The following STAB1 variants were observed in gnomAD, a reference collection of about 807,000 sequenced individuals.
STAB1 encodes the protein stabilin 1, also known as stabilin-1.
In STAB1, 250 loss-of-function variants were observed where a neutral mutation model predicts 332.4. The ratio of observed to expected loss-of-function variants is 0.75; its 90% CI spans 0.68 to 0.84. The LOEUF (loss-of-function observed/expected upper bound fraction) is 0.84, where lower values mean the gene tolerates loss of function less well. Among genes scored for constraint, STAB1 ranks in the 40% least tolerant of loss-of-function variants. The pLI, the probability that STAB1 is intolerant of heterozygous loss-of-function variation, is 0.00. For synonymous variants in STAB1, 1,475 were observed against 1,390.4 expected, an observed-to-expected ratio of 1.06 and a Z score of -1.35; for missense variants, 3,249 against 3,489.7, an observed-to-expected ratio of 0.93 and a Z score of 1.74.
chr3:52,503,747 C>G, intron 8 of STAB1, 25 bp from the exon 9 acceptor site: 1 of 1,612,262 alleles, frequency 6.2e-7, no homozygotes, highest in Non-Finnish European at 8.5e-7. Flanking sequence ...ACGTGGTGTT[C>G]CCCTCCTGCC....
intron 3 of STAB1, 64 bp downstream of exon 3, chr3:52,501,817 C>A: frequency 6.8e-7 from 1 of 1,470,950 alleles, no homozygotes; most frequent in East Asian, 2.5e-5. Flanking sequence ...GGCAAGCCCT[C>A]TGCAGGAGCC....
chr3:52,502,282 C>G (rs1708511157), intron 5 of STAB1, 54 bp downstream of exon 5: 3 of 1,576,916 alleles, frequency 1.9e-6, no homozygotes, highest in East Asian at 2.3e-5. Context: ...GGGGCCCACG[C>G]AGATGCAGTA....
intron 2 of STAB1, 46 bp from the exon 3 acceptor site, chr3:52,501,592 G>T: frequency 6.6e-7 from 1 of 1,513,198 alleles, no homozygotes; most frequent in South Asian, 1.2e-5. Context: ...GGTGGGGGCT[G>T]TGCAAGGGAG....
Position 52,523,949 on chromosome 3 carries a change from TTGG to T in STAB1, c.7478_7480del (p.Val2493del). 6.2e-7 allele frequency: 1 copy of T among 1,611,112 alleles called. No homozygotes were observed. Among genetic ancestry groups the T allele is most frequent in the Non-Finnish European group, 8.5e-7 (1 of 1,179,932 alleles). ...GCTTGCCGCTGGAGCACTGCTTGGC[TTGG>T]TGGCCGGAGCTCTCTACCTCCGTGC... On this transcript the variant is annotated inframe_deletion, in exon 67 of 69. Coordinates refer to ENST00000321725, the MANE Select transcript of STAB1 (RefSeq NM_015136.3).
chr3:52,506,763 C>T lies in STAB1; in HGVS notation c.1902C>T (p.Ile634=). The T allele has an allele frequency of 1.9e-6, 3 of 1,612,784 alleles. No homozygotes were observed. The highest frequency in any genetic ancestry group is 2.5e-6 in the Non-Finnish European group (3 of 1,179,612). The change falls in exon 18 of 69, where the codon ATC becomes ATT. Residue 634 remains isoleucine (I), a synonymous_variant. Coordinates refer to ENST00000321725, the MANE Select transcript of STAB1 (RefSeq NM_015136.3). ...RVDVMAANGV[I]HMLDGILLPP... The stretch of plus-strand genomic sequence containing the variant: ...ACGTGATGGCCGCCAATGGTGTGAT[C>T]CACATGCTGGACGGCATCCTGCTGC...
rs1708752012 is a variant in STAB1, at chr3:52,505,121, C to G, written c.1496C>G (p.Ser499Cys). ...ACTGGCCTGCGGTGGCAGGCCCCCT[C>G]TGGGACCCCTGGGGATCCCAAGGTG... Reference protein sequence around the residue: ...VVTGLRWQAPSGTPGDPKRTI... With the variant: ...VVTGLRWQAPCGTPGDPKRTI... Residue 499 changes from serine to cysteine, a missense_variant, in exon 13 of 69, where the codon TCT becomes TGT. Physicochemically the swap from Ser to Cys is moderately radical, Grantham distance 112. Coordinates refer to ENST00000321725, the MANE Select transcript of STAB1 (RefSeq NM_015136.3). 5 of 1,613,194 alleles carry G rather than the reference C, an allele frequency of 3.1e-6. No homozygotes were observed. Among genetic ancestry groups the G allele is most frequent in the Non-Finnish European group, 4.2e-6 (5 of 1,179,894 alleles).
Position 52,523,263 on chromosome 3 carries a change from C to T in STAB1, c.7062C>T (p.Asp2354=), listed in dbSNP as rs747061588. 1.2e-6 allele frequency: 2 copies of T among 1,612,978 alleles called. No homozygotes were observed. Among genetic ancestry groups the T allele is most frequent in the Non-Finnish European group, 1.7e-6 (2 of 1,179,804 alleles). ...GYANATQRGL[D]FLDFLDDELT... is the part of the protein sequence containing the mutation. Reference sequence around the variant, plus strand: ...CCAATGCCACCCAGCGGGGTCTCGACTTCCTGGACTTCCTGGATGATGAGC... The same window carrying T: ...CCAATGCCACCCAGCGGGGTCTCGATTTCCTGGACTTCCTGGATGATGAGC... The change falls in exon 64 of 69, where the codon GAC becomes GAT. Residue 2354 remains aspartate, a synonymous_variant. Coordinates refer to ENST00000321725, the MANE Select transcript of STAB1 (RefSeq NM_015136.3).
chr3:52,506,540 T>C, intron 17 of STAB1, 152 bp from the exon 18 acceptor site: 1 of 882,666 alleles, frequency 1.1e-6, no homozygotes, highest in East Asian at 2.7e-5. Flanking sequence ...TGGCCAGAGC[T>C]GAAGGAGAGG....
chr3:52,515,169 G>A (rs1430753105), intron 36 of STAB1, 124 bp downstream of exon 36: 4 of 1,257,170 alleles, frequency 3.2e-6, no homozygotes, highest in Admixed American at 4.3e-5. Context: ...CAGGGAACTG[G>A]GTGGCTGACG....
Position 52,515,097 on chromosome 3 carries a change from T to C in STAB1, c.3864+52T>C, listed in dbSNP as rs149924693. The C allele has an allele frequency of 6.4e-4, 1,021 of 1,597,864 alleles. 6 individuals carry two copies. The African/African-American group carries it at 0.011, about 18-fold the overall frequency. On this transcript the variant is annotated intron_variant, in intron 36 of 68. Coordinates refer to ENST00000321725, the MANE Select transcript of STAB1 (RefSeq NM_015136.3). ...TCCCTGTGTTGCCTGCCCTCACTTC[T>C]TCCAAGGTGCCCAATCCCCTCACCC...
rs374976473 is a variant in STAB1, at chr3:52,521,015, G to A, written c.5908+10G>A. On this transcript the variant is annotated intron_variant, in intron 55 of 68. Coordinates refer to ENST00000321725, the MANE Select transcript of STAB1 (RefSeq NM_015136.3). ...GGCAGTGAGTGCCAAGGTGAGCATT[G>A]CAGACACTGTTGACTAGCTCCTCTG... The A allele has an allele frequency of 1.2e-4, 177 of 1,528,740 alleles. No individual in the cohort carries two copies. Among genetic ancestry groups the A allele is most frequent in the Non-Finnish European group, 1.4e-4 (164 of 1,140,050 alleles). 94.7% of individuals were successfully genotyped at this position (1,528,740 alleles called of 1,614,324 possible).
Position 52,518,819 on chromosome 3 carries a change from GGGTACGCCAC to G in STAB1, c.4987_4996del (p.Tyr1663ProfsTer25). On this transcript the variant is annotated frameshift_variant, in exon 48 of 69. Transcript: ENST00000321725. LOFTEE classifies it high-confidence loss of function. The stretch of plus-strand genomic sequence containing the variant: ...GCGGAGCGAGGACCTGCTGGAGCAG[GGGTACGCCAC>G]GGCCCTCTCAGGGCACCCACTGCGC... 6.2e-7 allele frequency: 1 copy of G among 1,610,528 alleles called. No homozygotes were observed. Among genetic ancestry groups the G allele is most frequent in the Non-Finnish European group, 8.5e-7 (1 of 1,179,608 alleles).
At position 52,505,007 on chromosome 3, in the gene STAB1, ACTC is replaced by A; in HGVS notation, c.1385_1387del (p.Ser462del). Reference sequence around the variant, plus strand: ...AGACCTCTTGTGTCTCACCAGAAATACTCCTACAAGTACAAAGACCAGCCCCAG... The same window carrying A: ...AGACCTCTTGTGTCTCACCAGAAATACTACAAGTACAAAGACCAGCCCCAG... On this transcript the variant is annotated inframe_deletion, in exon 13 of 69. Transcript: ENST00000321725. 1.2e-6 allele frequency: 2 copies of A among 1,613,546 alleles called. No homozygotes were observed. Among genetic ancestry groups the A allele is most frequent in the Non-Finnish European group, 8.5e-7 (1 of 1,179,908 alleles).
intron 47 of STAB1, 23 bp downstream of exon 47, chr3:52,518,636 C>G (rs188981535): frequency 6.2e-7 from 1 of 1,610,216 alleles, no homozygotes. Flanking sequence ...CAGAGCGAGG[C>G]TGGGCAGGGC....
At position 52,517,383 on chromosome 3, in the gene STAB1, GC is replaced by G. The variant is rs1265587238; in HGVS notation, c.4558del (p.Gln1520SerfsTer71). On this transcript the variant is annotated frameshift_variant, in exon 43 of 69. Transcript: ENST00000321725. LOFTEE classifies it high-confidence loss of function. ...CHIHAECIPT[G>X]PQQVSCSCRE... ...ATTCACGCCGAGTGCATCCCCACTGGCCCCCAGCAGGTCAGCATGGCAGGGT... is the reference window on the plus strand; with the variant it reads ...ATTCACGCCGAGTGCATCCCCACTGGCCCCAGCAGGTCAGCATGGCAGGGT... The G allele has an allele frequency of 6.2e-7, 1 of 1,603,334 alleles. No individual in the cohort carries two copies. The highest frequency in any genetic ancestry group is 1.7e-5 in the Admixed American group (1 of 58,192).
At chr3:52,521,783 C>A in intron 57 of STAB1, 61 bp from the exon 58 acceptor site, 1 of 1,598,198 alleles carries the variant, frequency 6.3e-7, no homozygotes, top group Non-Finnish European at 8.5e-7. Flanking sequence ...GTGGGTGGAA[C>A]GGGCAGAGGC....
Position 52,505,149 on chromosome 3 carries a change from C to T in STAB1, c.1518+6C>T, listed in dbSNP as rs1308117509. On this transcript the variant is annotated splice_donor_region_variant and intron_variant, in intron 13 of 68. Coordinates refer to ENST00000321725, the MANE Select transcript of STAB1 (RefSeq NM_015136.3). ...GGACCCCTGGGGATCCCAAGGTGAG[C>T]CAGCATCCTCCCCTCCCCTCCCCTG... 6.2e-7 allele frequency: 1 copy of T among 1,612,266 alleles called. No homozygotes were observed. Among genetic ancestry groups the T allele is most frequent in the Non-Finnish European group, 8.5e-7 (1 of 1,179,514 alleles).
Position 52,501,659 on chromosome 3 carries a change from C to T in STAB1, c.237C>T (p.Gly79=). 1.3e-6 allele frequency: 2 copies of T among 1,569,870 alleles called. No homozygotes were observed. The highest frequency in any genetic ancestry group is 1.7e-6 in the Non-Finnish European group (2 of 1,158,380). The part of the protein sequence containing the change: ...QDCRYEVQLG[G]SMVSMSGCRR... ...CCAGCTACGAAGTACAGCTGGGGGGCTCTATGGTGTCCATGAGCGGCTGCA... is the reference window on the plus strand; with the variant it reads ...CCAGCTACGAAGTACAGCTGGGGGGTTCTATGGTGTCCATGAGCGGCTGCA... Residue 79 remains glycine (G), a synonymous_variant, in exon 3 of 69, where the codon GGC becomes GGT. Coordinates refer to ENST00000321725, the MANE Select transcript of STAB1 (RefSeq NM_015136.3).
intron 5 of STAB1, 133 bp from the exon 6 acceptor site, chr3:52,502,499 C>CA: frequency 1.2e-6 from 1 of 860,210 alleles, no homozygotes; most frequent in East Asian, 2.7e-5. Context: ...TGTGGTCCCG[C>CA]ATCACAGCTC....
Sources: gnomAD v4.1 joint callset for allele counts on GRCh38, gnomAD v4.1.1 for gene constraint, MANE v1.5 for transcripts, NCBI Gene and HGNC (gene_info 2026-07-23, HGNC 2026-07-21) for gene names.